The following SYCP2 variants were observed in gnomAD, a reference collection of about 807,000 sequenced individuals.
The protein encoded by SYCP2 is synaptonemal complex protein 2, also known as synaptonemal complex lateral element protein.
SYCP2 carries 55 observed loss-of-function variants against 211.3 expected under a neutral mutation model. That is an observed-to-expected ratio of 0.26 (90% confidence interval 0.21 to 0.33). The LOEUF (loss-of-function observed/expected upper bound fraction) is 0.33. Among genes scored for constraint, SYCP2 ranks in the 10% least tolerant of loss-of-function variants. The pLI is 1.00. For synonymous variants in SYCP2, 570 were observed against 555.2 expected, an observed-to-expected ratio of 1.03 and a Z score of -0.37; for missense variants, 1,731 against 1,752.0, an observed-to-expected ratio of 0.99 and a Z score of 0.21.
intron 5 of SYCP2, 150 bp from the exon 6 acceptor site, chr20:59,919,747 A>C: frequency 2.0e-6 from 1 of 499,310 alleles, no homozygotes; most frequent in Non-Finnish European, 3.5e-6. Context: ...GTTTTTAAAG[A>C]TCTTCCTTGT....
chr20:59,886,561 C>T, intron 25 of SYCP2, 146 bp downstream of exon 25: 1 of 517,418 alleles, frequency 1.9e-6, no homozygotes, highest in Non-Finnish European at 3.1e-6. Context: ...TAAACACCTA[C>T]TATTTATAAA....
At chr20:59,913,284 T>C (rs1235839116) in intron 12 of SYCP2, among the ~76,000 whole-genome samples, 1 of 152,182 alleles carries the variant, frequency 6.6e-6, no homozygotes, top group Non-Finnish European at 1.5e-5. Flanking sequence ...TTAAATAATT[T>C]GCCCAATATT....
At chr20:59,907,054 T>C (rs1568962605) in intron 15 of SYCP2, among the ~76,000 whole-genome samples, 1 of 152,170 alleles carries the variant, frequency 6.6e-6, no homozygotes, top group African/African-American at 2.4e-5. Flanking sequence ...GTTATAGGAT[T>C]GGAGAAACCA....
At chr20:59,906,706 T>A (rs1247786591) in intron 15 of SYCP2, among the ~76,000 whole-genome samples, 1 of 152,044 alleles carries the variant, frequency 6.6e-6, no homozygotes, top group African/African-American at 2.4e-5. Context: ...AATTTAAAAC[T>A]GCTCACCAGA....
At chr20:59,893,328 T>G (rs2059945638) in intron 21 of SYCP2, 129 bp from the exon 22 acceptor site, 1 of 765,270 alleles carries the variant, frequency 1.3e-6, no homozygotes, top group South Asian at 1.9e-5. Flanking sequence ...TTGCATCCTC[T>G]CTCTTAAACC....
intron 44 of SYCP2, 31 bp downstream of exon 44, chr20:59,865,357 A>T (rs2059309570): frequency 6.4e-7 from 1 of 1,553,548 alleles, no homozygotes; most frequent in East Asian, 2.3e-5. Flanking sequence ...TTAAAGTATG[A>T]TTATCCCATT....
chr20:59,875,206 C>T, intron 34 of SYCP2, 65 bp downstream of exon 34: 1 of 1,019,602 alleles, frequency 9.8e-7, no homozygotes, highest in South Asian at 1.8e-5. Context: ...ATTGTATTTT[C>T]CCATAATTAG....
intron 2 of SYCP2, among the ~76,000 whole-genome samples, chr20:59,926,394 G>A (rs1006828713): frequency 2.6e-5 from 4 of 151,930 alleles, no homozygotes; most frequent in African/African-American, 4.8e-5. Context: ...GGTAGCTGCC[G>A]ACATTCTTTG....
intron 3 of SYCP2, 87 bp downstream of exon 3, chr20:59,922,303 G>T: frequency 2.5e-6 from 3 of 1,193,638 alleles, no homozygotes; most frequent in Non-Finnish European, 1.2e-6. Context: ...CTTTATCATT[G>T]CTAAAAACAT....
At chr20:59,910,374 AT>A (rs898302276) in intron 14 of SYCP2, among the ~76,000 whole-genome samples, 2,909 of 76,120 alleles carry the variant, frequency 0.038, 12 homozygotes, top group Non-Finnish European at 0.044. Flanking sequence ...GTAATTGCTT[AT>A]TTTTTTTTTT....
intron 1 of SYCP2, among the ~76,000 whole-genome samples, chr20:59,932,668 C>T (rs1298509350): frequency 1.3e-5 from 2 of 151,880 alleles, no homozygotes; most frequent in Non-Finnish European, 2.9e-5. Flanking sequence ...AGCGAGACTC[C>T]GTCTCGGGAA....
intron 26 of SYCP2, among the ~76,000 whole-genome samples, 190 bp from the exon 27 acceptor site, chr20:59,882,355 C>T (rs146429195): frequency 9.7e-4 from 147 of 152,032 alleles, no homozygotes; most frequent in Middle Eastern, 3.4e-3. Context: ...GTTGGTGGAA[C>T]GCAAATGGTG....
At chr20:59,897,757 A>G (rs1251192734) in intron 18 of SYCP2, among the ~76,000 whole-genome samples, 1 of 152,188 alleles carries the variant, frequency 6.6e-6, no homozygotes, top group Non-Finnish European at 1.5e-5. Context: ...AGATTAGTAA[A>G]AACTGAAATA....
At chr20:59,910,086 G>C (rs555397673) in intron 14 of SYCP2, among the ~76,000 whole-genome samples, 22 of 152,204 alleles carry the variant, frequency 1.4e-4, no homozygotes, top group Admixed American at 1.3e-4. Context: ...AAATATCAGA[G>C]AAACAGCCAG....
intron 41 of SYCP2, 31 bp downstream of exon 41, chr20:59,866,262 A>G (rs1391915083): frequency 7.0e-7 from 1 of 1,438,220 alleles, no homozygotes; most frequent in African/African-American, 1.4e-5. Context: ...AAGGTTTTAA[A>G]CTTATTTAAA....
At chr20:59,896,081 A>AT (rs2060002092) in intron 19 of SYCP2, among the ~76,000 whole-genome samples, 1 of 152,032 alleles carries the variant, frequency 6.6e-6, no homozygotes, top group Non-Finnish European at 1.5e-5. Flanking sequence ...AGAAAAAAAA[A>AT]CTGGTTCTAA....
At position 59,911,693 on chromosome 20, in the gene SYCP2, G is replaced by T. The variant is rs2060331342; in HGVS notation, c.972+57C>A. ...AAAGAAATCCACATTCTTAAAGTAA[G>T]TAAAAATCTTATATATGCATATACA... On this transcript the variant is annotated intron_variant, in intron 14 of 44. Coordinates refer to ENST00000357552, the MANE Select transcript of SYCP2 (RefSeq NM_014258.4). 13 of 723,630 alleles carry T rather than the reference G, an allele frequency of 1.8e-5. No individual in the cohort carries two copies. In the South Asian group the frequency reaches 3.4e-4, roughly 19 times the overall value. 44.8% of individuals were successfully genotyped at this position (723,630 alleles called of 1,614,324 possible).
At position 59,865,603 on chromosome 20, in the gene SYCP2, A is replaced by T; in HGVS notation, c.4428T>A (p.Thr1476=). 1.2e-6 allele frequency: 2 copies of T among 1,604,596 alleles called. No individual in the cohort carries two copies. Among genetic ancestry groups the T allele is most frequent in the Non-Finnish European group, 1.7e-6 (2 of 1,176,428 alleles). Reference sequence around the variant, plus strand: ...ATGTAAAAACAGTTTCTTCACTATCAGTATTACAGAAGACACTTTTAGCCA... The same window carrying T: ...ATGTAAAAACAGTTTCTTCACTATCTGTATTACAGAAGACACTTTTAGCCA... ...TSLAKSVFCN[T]DSEETVFTSE... is the part of the protein sequence containing the mutation. Residue 1476 remains threonine (T), a synonymous_variant, in exon 43 of 45, where the codon ACT becomes ACA. Transcript: ENST00000357552.
intron 1 of SYCP2, among the ~76,000 whole-genome samples, chr20:59,932,720 G>A (rs879410839): frequency 1.3e-5 from 2 of 152,136 alleles, no homozygotes; most frequent in Non-Finnish European, 2.9e-5. Flanking sequence ...ATTCGCAGAT[G>A]CTCGGCCAGC....
Sources: gnomAD v4.1 joint callset for allele counts (sites outside exome capture counted in the v4.1 genomes callset) on GRCh38, gnomAD v4.1.1 for gene constraint, MANE v1.5 for transcripts, NCBI Gene and HGNC (gene_info 2026-07-23, HGNC 2026-07-21) for gene names.